UBTD2: variants seen among roughly 807,000 people sequenced by gnomAD.
The protein encoded by UBTD2 is ubiquitin domain containing 2.
Under a neutral mutation model 19.8 loss-of-function variants are expected in UBTD2, and 9 were observed. The ratio of observed to expected loss-of-function variants is 0.46; its 90% CI spans 0.27 to 0.79. UBTD2 has a LOEUF of 0.79. UBTD2 is among the 30% of genes least tolerant of loss of function. The pLI is 0.14. For missense variants in UBTD2, 250 were observed against 300.4 expected, an observed-to-expected ratio of 0.83 and a Z score of 1.24; for synonymous variants, 98 against 103.9, an observed-to-expected ratio of 0.94 and a Z score of 0.35.
At chr5:172,229,223 G>A (rs896357450) in intron 2 of UBTD2, among the ~76,000 whole-genome samples, 6 of 151,704 alleles carry the variant, frequency 4.0e-5, no homozygotes, top group East Asian at 3.9e-4. Flanking sequence ...GCTTTTGGCC[G>A]GGCGCGGTGG....
chr5:172,223,158 G>A (rs1483413293), intron 2 of UBTD2, among the ~76,000 whole-genome samples: 1 of 152,140 alleles, frequency 6.6e-6, no homozygotes, highest in Non-Finnish European at 1.5e-5. Flanking sequence ...ATAATTTAGG[G>A]TTACAAGATT....
At chr5:172,253,926 A>C (rs762145316) in intron 1 of UBTD2, among the ~76,000 whole-genome samples, 8 of 152,168 alleles carry the variant, frequency 5.3e-5, no homozygotes, top group Non-Finnish European at 1.0e-4. Context: ...GGAAAAAAAA[A>C]GTGTTCTCAT....
At chr5:172,256,389 T>C (rs1366252329) in intron 1 of UBTD2, among the ~76,000 whole-genome samples, 4 of 151,490 alleles carry the variant, frequency 2.6e-5, no homozygotes, top group Admixed American at 2.6e-4. Context: ...CCTTATACTT[T>C]TTTTTTTTTG....
chr5:172,252,819 G>A (rs1561860546), intron 1 of UBTD2, among the ~76,000 whole-genome samples: 1 of 152,102 alleles, frequency 6.6e-6, no homozygotes, highest in East Asian at 1.9e-4. Context: ...CAAAAAGTAG[G>A]TTCAACAGAA....
Position 172,283,185 on chromosome 5 carries a change from T to C in UBTD2, c.70+411A>G, listed in dbSNP as rs1198952616. Among the ~76,000 whole-genome samples, 1 of 152,170 alleles carries C rather than the reference T, an allele frequency of 6.6e-6. No individual in the cohort carries two copies. The highest frequency in any genetic ancestry group is 1.5e-5 in the Non-Finnish European group (1 of 68,026). ...CAGAACAAGGAAGGGTGCGGAAAGA[T>C]GTGGCGGGGCCCGTCGGAGGGAACG... On this transcript the variant is annotated intron_variant, in intron 1 of 2. Transcript: ENST00000393792. This position sits in a 1 kb window ranked among gnomAD's most constrained non-coding sequence, Gnocchi z 4.3.
chr5:172,237,113 G>A (rs141219765), intron 1 of UBTD2, among the ~76,000 whole-genome samples: 152 of 151,878 alleles, frequency 1.0e-3, no homozygotes, highest in African/African-American at 3.3e-3. Flanking sequence ...TCATATACTT[G>A]AGACAGAGTC....
At chr5:172,284,096 T>TCGGCC (rs1399454670), upstream of UBTD2, 9 of 150,224 alleles carry the variant, frequency 6.0e-5, no homozygotes, top group Admixed American at 2.0e-4. Flanking sequence ...CGGCCTGGGC[T>TCGGCC]CGGCCCGGCC....
intron 2 of UBTD2, among the ~76,000 whole-genome samples, chr5:172,229,330 C>G (rs1025855293): frequency 1.4e-4 from 22 of 151,784 alleles, no homozygotes; most frequent in African/African-American, 2.9e-4. Flanking sequence ...GAAACCCTGT[C>G]TCTACTAAAA....
intron 2 of UBTD2, among the ~76,000 whole-genome samples, chr5:172,215,243 T>C (rs555585968): frequency 6.6e-6 from 1 of 152,288 alleles, no homozygotes; most frequent in South Asian, 2.1e-4. Context: ...TCAGAATAAT[T>C]CCCTGGGTTG....
At chr5:172,230,791 T>A (rs1008811523) in intron 2 of UBTD2, among the ~76,000 whole-genome samples, 14 of 151,832 alleles carry the variant, frequency 9.2e-5, no homozygotes, top group Non-Finnish European at 1.6e-4. Flanking sequence ...CCTTATTTTT[T>A]TTTTTTTTTT....
At chr5:172,280,273 C>T (rs1002009180) in intron 1 of UBTD2, among the ~76,000 whole-genome samples, 2 of 151,286 alleles carry the variant, frequency 1.3e-5, no homozygotes, top group Non-Finnish European at 2.9e-5. Flanking sequence ...TTGGGAAGCA[C>T]AGGTGGGCGG....
At position 172,283,526 on chromosome 5, in the gene UBTD2, G is replaced by C; in HGVS notation, c.70+70C>G. On this transcript the variant is annotated intron_variant, in intron 1 of 2. Coordinates refer to ENST00000393792, the MANE Select transcript of UBTD2 (RefSeq NM_152277.3). The surrounding 1 kb of genome is among the most constrained non-coding windows in gnomAD (Gnocchi z 4.3). ...GCGGGGGCCCGGCGCGGCCCGCGGG[G>C]GTCGGGACAGGTGGCCGGGCCTGGC... The C allele has an allele frequency of 8.4e-7, 1 of 1,190,966 alleles. No homozygotes were observed. Among genetic ancestry groups the C allele is most frequent in the South Asian group, 3.3e-5 (1 of 29,896 alleles). The allele number at this position is 1,190,966 out of a possible 1,614,324, so 73.8% of individuals were successfully genotyped here.
chr5:172,260,908 C>T (rs1011917424), intron 1 of UBTD2, among the ~76,000 whole-genome samples: 4 of 152,216 alleles, frequency 2.6e-5, no homozygotes, highest in African/African-American at 7.2e-5. Context: ...GCAGCCATCA[C>T]AAACCCAGAG....
intron 2 of UBTD2, among the ~76,000 whole-genome samples, chr5:172,213,374 G>A (rs1487198089): frequency 6.6e-6 from 1 of 152,192 alleles, no homozygotes; most frequent in Non-Finnish European, 1.5e-5. Context: ...AGCCTTAGCA[G>A]CTGCCACAGA....
intron 2 of UBTD2, among the ~76,000 whole-genome samples, chr5:172,231,609 C>A (rs1399178888): frequency 1.3e-5 from 2 of 152,118 alleles, no homozygotes; most frequent in Non-Finnish European, 2.9e-5. Flanking sequence ...TTAAACAAGG[C>A]TACAATATAC....
intron 1 of UBTD2, among the ~76,000 whole-genome samples, chr5:172,274,585 A>G (rs1273874076): frequency 6.6e-6 from 1 of 152,232 alleles, no homozygotes; most frequent in Non-Finnish European, 1.5e-5. Context: ...AAAGTCTTAC[A>G]GAGAATGTGT....
intron 1 of UBTD2, chr5:172,255,055 C>T: frequency 2.0e-6 from 1 of 511,200 alleles, no homozygotes; most frequent in Admixed American, 2.5e-5. Context: ...GGGCAGCTGC[C>T]ATCATCTGCG....
rs1469520654 is a variant in UBTD2, at chr5:172,212,194, T to C, written c.341A>G (p.Asn114Ser). Residue 114 changes from asparagine to serine, a missense_variant, in exon 3 of 3, where the codon AAC becomes AGC. Coordinates refer to ENST00000393792, the MANE Select transcript of UBTD2 (RefSeq NM_152277.3). ...ALTECYDELG[N>S]RYQLPVYCLA... is the part of the protein sequence containing the mutation. ...GCAATACACTGGAAGCTGATATCTG[T>C]TCCCCAGTTCATCGTAGCACTCTGT... The C allele has an allele frequency of 1.2e-6, 2 of 1,612,066 alleles. No individual in the cohort carries two copies. The highest frequency in any genetic ancestry group is 1.7e-5 in the Admixed American group (1 of 59,988).
chr5:172,241,687 T>G (rs1292369279), intron 1 of UBTD2, among the ~76,000 whole-genome samples: 1 of 152,092 alleles, frequency 6.6e-6, no homozygotes, highest in Admixed American at 6.6e-5. Flanking sequence ...TGACACTTTT[T>G]CTCACTATGG....
Sources: allele counts gnomAD v4.1 joint callset (sites outside exome capture counted in the v4.1 genomes callset), GRCh38; gene constraint gnomAD v4.1.1; non-coding constraint Gnocchi (gnomAD v3.1); transcripts MANE v1.5; gene names NCBI Gene and HGNC (gene_info 2026-07-23, HGNC 2026-07-21).